KLF12: variants seen among roughly 807,000 people sequenced by gnomAD.
The protein encoded by KLF12 is KLF transcription factor 12.
KLF12 carries 9 observed loss-of-function variants against 37.8 expected under a neutral mutation model. The ratio of observed to expected loss-of-function variants is 0.24; its 90% CI spans 0.14 to 0.42. The LOEUF (loss-of-function observed/expected upper bound fraction) is 0.42. Ranked by LOEUF, KLF12 falls within the 10% of genes least tolerant of loss-of-function variation. The pLI, the probability that KLF12 is intolerant of heterozygous loss-of-function variation, is 1.00. For missense variants in KLF12, 411 were observed against 516.0 expected, an observed-to-expected ratio of 0.80 and a Z score of 1.97; for synonymous variants, 208 against 202.1, an observed-to-expected ratio of 1.03 and a Z score of -0.25.
chr13:74,299,481 G>T, the KLF12 span, among the ~76,000 whole-genome samples: 1 of 152,118 alleles, frequency 6.6e-6, no homozygotes, highest in Non-Finnish European at 1.5e-5. Context: ...CAAATTTGGG[G>T]CAGATTTCAT....
At chr13:74,090,750 T>C (rs944921418) in intron 1 of KLF12, among the ~76,000 whole-genome samples, 17 of 152,108 alleles carry the variant, frequency 1.1e-4, no homozygotes, top group African/African-American at 4.1e-4. Context: ...ATAGAGCCCT[T>C]TGTTAGATAC....
At chr13:73,855,178 C>A (rs902674876) in intron 3 of KLF12, among the ~76,000 whole-genome samples, 4 of 152,134 alleles carry the variant, frequency 2.6e-5, no homozygotes, top group Non-Finnish European at 5.9e-5. Context: ...CTGAGATTTG[C>A]GTTACGATTC....
At chr13:74,245,921 T>C in the KLF12 span, among the ~76,000 whole-genome samples, 13 of 152,228 alleles carry the variant, frequency 8.5e-5, no homozygotes, top group Non-Finnish European at 1.3e-4. Flanking sequence ...AAAAACTAAA[T>C]TGATCGCATG....
At chr13:73,808,696 T>G (rs1002800711) in intron 5 of KLF12, among the ~76,000 whole-genome samples, 5 of 152,194 alleles carry the variant, frequency 3.3e-5, no homozygotes, top group South Asian at 2.1e-4. Context: ...AGCTCAGGAA[T>G]GTTCACGCTA....
At position 73,846,032 on chromosome 13, in the gene KLF12, A is replaced by C. The variant is rs1256630670; in HGVS notation, c.465T>G (p.Val155=). The stretch of plus-strand genomic sequence containing the variant: ...TAATGTGCAAAAACTGCTGGCCTCC[A>C]ACACCAGATGCAGAGGCCACAAGGG... Residue 155 remains valine (V), a synonymous_variant, in exon 4 of 8, where the codon GTT becomes GTG. Transcript: ENST00000377669. 4 of 1,614,080 alleles carry C rather than the reference A, an allele frequency of 2.5e-6. No homozygotes were observed. The highest frequency in any genetic ancestry group is 3.4e-6 in the Non-Finnish European group (4 of 1,179,962).
chr13:73,811,647 T>C (rs1882947515), intron 5 of KLF12, among the ~76,000 whole-genome samples: 1 of 152,222 alleles, frequency 6.6e-6, no homozygotes. Flanking sequence ...TCCTGTCAGA[T>C]AACTATTCTG....
At chr13:73,759,946 T>C (rs1879439683) in intron 6 of KLF12, among the ~76,000 whole-genome samples, 1 of 152,150 alleles carries the variant, frequency 6.6e-6, no homozygotes, top group African/African-American at 2.4e-5. Flanking sequence ...ATGACAAAAC[T>C]CTCCAAGTTA....
intron 5 of KLF12, among the ~76,000 whole-genome samples, 173 bp from the exon 6 acceptor site, chr13:73,765,173 G>T (rs1879830400): frequency 6.6e-6 from 1 of 152,130 alleles, no homozygotes; most frequent in Non-Finnish European, 1.5e-5. Context: ...CTGCAAATCT[G>T]TGGTCCTTTT....
intron 6 of KLF12, among the ~76,000 whole-genome samples, chr13:73,756,050 G>A (rs1414577663): frequency 6.6e-6 from 1 of 152,162 alleles, no homozygotes. Context: ...TGCAAACTGT[G>A]AAGCACTTTC....
the KLF12 span, among the ~76,000 whole-genome samples, chr13:74,234,323 A>G: frequency 6.6e-6 from 1 of 152,204 alleles, no homozygotes; most frequent in Non-Finnish European, 1.5e-5. Context: ...TTCAAATTTT[A>G]GAATCAGAAA....
chr13:73,949,145 G>C (rs150571478), intron 2 of KLF12, among the ~76,000 whole-genome samples: 16 of 152,254 alleles, frequency 1.1e-4, no homozygotes, highest in African/African-American at 3.8e-4. Flanking sequence ...GAAAACCAGT[G>C]AGTGTGACCC....
intron 3 of KLF12, among the ~76,000 whole-genome samples, chr13:73,908,641 C>T (rs1009893841): frequency 2.0e-5 from 3 of 151,618 alleles, no homozygotes; most frequent in African/African-American, 7.3e-5. Flanking sequence ...CCATCATGCC[C>T]GGTTAATATT....
the KLF12 span, among the ~76,000 whole-genome samples, chr13:74,174,851 C>A: frequency 6.6e-6 from 1 of 152,182 alleles, no homozygotes; most frequent in Non-Finnish European, 1.5e-5. Flanking sequence ...GGAACCAAAT[C>A]TATTTGATTT....
At chr13:74,014,968 G>A (rs112263487) in intron 1 of KLF12, among the ~76,000 whole-genome samples, 4 of 152,136 alleles carry the variant, frequency 2.6e-5, no homozygotes, top group African/African-American at 4.8e-5. Context: ...TCAAATCCAA[G>A]GATTGTGAAT....
chr13:73,996,562 C>T (rs1892126059), intron 1 of KLF12, among the ~76,000 whole-genome samples: 1 of 152,118 alleles, frequency 6.6e-6, no homozygotes, highest in African/African-American at 2.4e-5. Context: ...ATGCTTAATC[C>T]AAAAATTCAT....
intron 3 of KLF12, among the ~76,000 whole-genome samples, chr13:73,937,380 A>G (rs780929205): frequency 6.6e-6 from 1 of 152,180 alleles, no homozygotes; most frequent in African/African-American, 2.4e-5. Context: ...AAGCTGAAAT[A>G]TTCTGGAAAG....
chr13:74,055,294 A>G (rs749894664), intron 1 of KLF12, among the ~76,000 whole-genome samples: 2 of 152,232 alleles, frequency 1.3e-5, no homozygotes, highest in Admixed American at 1.3e-4. Context: ...ATTTACTTAC[A>G]TGTCTTTAAA....
the KLF12 span, among the ~76,000 whole-genome samples, chr13:74,213,425 T>C: frequency 3.3e-5 from 5 of 152,218 alleles, no homozygotes; most frequent in Admixed American, 3.3e-4. Context: ...TGTTTATTTT[T>C]GCTTTGGGCT....
At chr13:74,082,276 C>G (rs1316581801) in intron 1 of KLF12, among the ~76,000 whole-genome samples, 1 of 151,968 alleles carries the variant, frequency 6.6e-6, no homozygotes, top group Non-Finnish European at 1.5e-5. Flanking sequence ...CAACTGCCAT[C>G]CAGCCTTCAC....
Sources: gnomAD v4.1 joint callset for allele counts (sites outside exome capture counted in the v4.1 genomes callset) on GRCh38, gnomAD v4.1.1 for gene constraint, MANE v1.5 for transcripts, NCBI Gene and HGNC (gene_info 2026-07-23, HGNC 2026-07-21) for gene names.